The following NHS variants were observed in gnomAD, a reference collection of about 807,000 sequenced individuals.
The protein encoded by NHS is actin remodeling regulator NHS.
NHS carries 5 observed loss-of-function variants against 72.5 expected under a neutral mutation model. The observed-to-expected ratio is 0.07, with a 90% CI of 0.04 to 0.14. NHS has a LOEUF of 0.14. Among genes scored for constraint, NHS ranks in the 10% least tolerant of loss-of-function variants. NHS has a pLI of 1.00. For synonymous variants in NHS, 464 were observed against 547.7 expected, an observed-to-expected ratio of 0.85 and a Z score of 2.13; for missense variants, 1,072 against 1,355.7, an observed-to-expected ratio of 0.79 and a Z score of 3.29.
At chrX:17,459,241 G>A (rs745650288) in intron 1 of NHS, among the ~76,000 whole-genome samples, 3 of 112,455 alleles carry the variant, frequency 2.7e-5, no homozygotes, top group Non-Finnish European at 5.6e-5. Flanking sequence ...AGGTGGAGTC[G>A]TATTTCCTTC....
At chrX:17,697,047 T>A (rs1392843142) in intron 3 of NHS, among the ~76,000 whole-genome samples, 1 of 110,732 alleles carries the variant, frequency 9.0e-6, no homozygotes, top group Non-Finnish European at 1.9e-5. Flanking sequence ...TACTACAGAT[T>A]TTTTCAGATA....
At chrX:17,535,365 A>G (rs774363865) in intron 1 of NHS, among the ~76,000 whole-genome samples, 188 of 111,211 alleles carry the variant, frequency 1.7e-3, no homozygotes, top group Non-Finnish European at 2.7e-3. Context: ...GCAGTAAGGA[A>G]GGCCCTCTCC....
At chrX:17,577,026 C>T (rs979477149) in intron 1 of NHS, among the ~76,000 whole-genome samples, 9 of 111,715 alleles carry the variant, frequency 8.1e-5, no homozygotes, top group Non-Finnish European at 1.7e-4. Flanking sequence ...ATTTTAGACC[C>T]GACATCCTTC....
chrX:17,635,669 G>T, intron 1 of NHS: 1 of 1,032,915 alleles, frequency 9.7e-7, no homozygotes, highest in Non-Finnish European at 1.3e-6. Context: ...ACGAAGAGGG[G>T]CTTGTGCTGT....
In NHS at chrX:17,726,383, T is replaced by C. The variant is rs1323986389; in HGVS notation, c.2277T>C (p.Tyr759=). 7 of 1,212,289 alleles carry C rather than the reference T, an allele frequency of 5.8e-6. No homozygotes were observed. The highest frequency in any genetic ancestry group is 4.3e-5 in the Admixed American group (2 of 46,129). Reference sequence around the variant, plus strand: ...CAAGCTTCACAAGCATGGCCACTTATGACAGCTTTCTGGAAAAGTCTCCAT... The same window carrying C: ...CAAGCTTCACAAGCATGGCCACTTACGACAGCTTTCTGGAAAAGTCTCCAT... The part of the protein sequence containing the change: ...GCPSFTSMAT[Y]DSFLEKSPSD... Residue 759 remains tyrosine (Y), a synonymous_variant, in exon 7 of 9, where the codon TAT becomes TAC. Transcript: ENST00000676302.
At chrX:17,636,826 A>G (rs138125490) in intron 1 of NHS, among the ~76,000 whole-genome samples, 2,412 of 112,069 alleles carry the variant, frequency 0.022, 58 homozygotes, top group African/African-American at 0.07. Flanking sequence ...GCAGCTTCCA[A>G]TGGGTGTCAT....
intron 1 of NHS, among the ~76,000 whole-genome samples, chrX:17,465,117 G>T (rs2064865430): frequency 1.8e-5 from 2 of 112,044 alleles, no homozygotes; most frequent in African/African-American, 6.5e-5. Flanking sequence ...GTATATTTAT[G>T]GGGGCAGCAA....
intron 1 of NHS, among the ~76,000 whole-genome samples, chrX:17,526,267 C>T (rs924667585): frequency 4.4e-5 from 5 of 112,388 alleles, no homozygotes; most frequent in Non-Finnish European, 1.9e-5. Flanking sequence ...TAGGCCAGGC[C>T]AGGTGGTTGT....
intron 1 of NHS, among the ~76,000 whole-genome samples, chrX:17,501,653 G>T (rs1473166273): frequency 8.9e-6 from 1 of 111,864 alleles, no homozygotes; most frequent in Non-Finnish European, 1.9e-5. Flanking sequence ...CTTGAGTCTG[G>T]GAGGTCAAGG....
intron 1 of NHS, among the ~76,000 whole-genome samples, chrX:17,659,067 T>C (rs763535084): frequency 1.8e-5 from 2 of 112,571 alleles, no homozygotes; most frequent in South Asian, 3.7e-4. Context: ...CCCTAGGGCC[T>C]TGAAGCCCCT....
At chrX:17,380,905 G>C (rs190781775) in intron 1 of NHS, among the ~76,000 whole-genome samples, 51 of 111,319 alleles carry the variant, frequency 4.6e-4, no homozygotes, top group African/African-American at 1.6e-3. Context: ...TGAAGGATAC[G>C]AGCAGGGAGG....
At chrX:17,605,041 A>G (rs2065672393) in intron 1 of NHS, among the ~76,000 whole-genome samples, 1 of 111,817 alleles carries the variant, frequency 8.9e-6, no homozygotes, top group East Asian at 2.8e-4. Flanking sequence ...GTGGGTTTTA[A>G]AGACAACATC....
At chrX:17,560,564 A>G (rs1601770999) in intron 1 of NHS, among the ~76,000 whole-genome samples, 1 of 112,049 alleles carries the variant, frequency 8.9e-6, no homozygotes, top group East Asian at 2.8e-4. Context: ...CTATTACATG[A>G]TGGGCAGCCC....
intron 1 of NHS, among the ~76,000 whole-genome samples, chrX:17,620,516 C>G (rs1017696653): frequency 3.6e-5 from 4 of 109,976 alleles, no homozygotes; most frequent in African/African-American, 1.3e-4. Flanking sequence ...AATGAACCAG[C>G]TCTCAAGAAG....
At chrX:17,682,784 A>C (rs1189315268) in intron 1 of NHS, among the ~76,000 whole-genome samples, 1 of 111,076 alleles carries the variant, frequency 9.0e-6, no homozygotes, top group Non-Finnish European at 1.9e-5. Context: ...GGGGGCATAA[A>C]GCTGTAAGGC....
Position 17,446,889 on chromosome X carries a change from A to G in NHS, c.565+70567A>G, listed in dbSNP as rs907532558. 3.6e-5 allele frequency among the ~76,000 whole-genome samples: 4 copies of G among 112,081 alleles called. No individual in the cohort carries two copies. The East Asian group carries it at 1.1e-3, about 31-fold the overall frequency. On this transcript the variant is annotated intron_variant, in intron 1 of 8. Coordinates refer to ENST00000676302, the MANE Select transcript of NHS (RefSeq NM_001291867.2). The stretch of plus-strand genomic sequence containing the variant: ...ATATTCTTTTACAACATCCCCTTTA[A>G]TTATTGCAGAGTTTCTTTTTTGGAT...
chrX:17,613,083 G>A (rs966067582), intron 1 of NHS, among the ~76,000 whole-genome samples: 2 of 110,367 alleles, frequency 1.8e-5, no homozygotes, highest in African/African-American at 6.6e-5. Flanking sequence ...AAAAAGTAAT[G>A]GTGCTAAGGC....
At chrX:17,442,564 C>T (rs1183737799) in intron 1 of NHS, among the ~76,000 whole-genome samples, 2 of 112,313 alleles carry the variant, frequency 1.8e-5, no homozygotes, top group Admixed American at 1.9e-4. Flanking sequence ...TCAACATTCA[C>T]GTTGAGAGAA....
Position 17,580,678 on chromosome X carries a change from G to A in NHS, c.566-107064G>A, listed in dbSNP as rs2065539108. ...TGTGATTTGTTGCTCCTGCAAGATA[G>A]CCACTCCCCCTTCTCATTTCCCAAG... is the stretch of plus-strand genomic sequence containing the variant. On this transcript the variant is annotated intron_variant, in intron 1 of 8. Transcript: ENST00000676302. Among the ~76,000 whole-genome samples, 3 of 111,365 alleles carry A rather than the reference G, an allele frequency of 2.7e-5. No homozygotes were observed. The Admixed American group carries it at 2.9e-4, about 11-fold the overall frequency.
Sources: gnomAD v4.1 joint callset for allele counts (sites outside exome capture counted in the v4.1 genomes callset) on GRCh38, gnomAD v4.1.1 for gene constraint, MANE v1.5 for transcripts, NCBI Gene and HGNC (gene_info 2026-07-23, HGNC 2026-07-21) for gene names.